TRDMT1: variants seen among roughly 807,000 people sequenced by gnomAD.
TRDMT1 encodes the protein tRNA aspartic acid methyltransferase 1.
A neutral mutation model predicts 51.2 loss-of-function variants in TRDMT1; 49 were observed. That is an observed-to-expected ratio of 0.96 (90% CI 0.76 to 1.21). The LOEUF is 1.21. Among genes scored for constraint, TRDMT1 ranks in the 50% most tolerant of loss-of-function variants. The probability of loss-of-function intolerance (pLI) is 0.00; values close to 1 mark genes in which losing one functional copy is unlikely to be tolerated. For missense variants in TRDMT1, 534 were observed against 462.3 expected, an observed-to-expected ratio of 1.16 and a Z score of -1.42; for synonymous variants, 187 against 164.6, an observed-to-expected ratio of 1.14 and a Z score of -1.04.
chr10:17,150,713 A>C (rs10795452), intron 10 of TRDMT1: 670,896 of 984,316 alleles, frequency 0.68, 229,003 homozygotes, highest in Non-Finnish European at 0.69. Flanking sequence ...TAGTTACAAT[A>C]AAGTTGCTTC....
rs1051600789 is a variant in TRDMT1, at chr10:17,143,825, A to G, written c.*5215T>C. The G allele has an allele frequency of 8.1e-6, 8 of 985,318 alleles. No individual in the cohort carries two copies. In the African/African-American group the frequency reaches 1.4e-4, roughly 17 times the overall value. The allele number at this position is 985,318 out of a possible 1,614,324, so 61.0% of individuals were successfully genotyped here. ...TTTGGTTATGAAGCTTGAACTTGGA[A>G]GATGTGGAGACTAACCGTACCATAA... On this transcript the variant is annotated 3_prime_UTR_variant, in exon 11 of 11. Coordinates refer to ENST00000377799, the MANE Select transcript of TRDMT1 (RefSeq NM_004412.7).
Position 17,159,175 on chromosome 10 carries a change from C to G in TRDMT1, c.514G>C (p.Glu172Gln). ...CCAGGGGCTTGAAAGGGTAATGGCT[C>G]TGACTGAAGCTTTGCAATAAGAAAA... ...RYFLIAKLQSEPLPFQAPGQV... is the reference protein window; with the variant it reads ...RYFLIAKLQSQPLPFQAPGQV... The change falls in exon 7 of 11, where the codon GAG becomes CAG. Residue 172 changes from glutamate (E) to glutamine (Q), a missense_variant. By Grantham distance (29) the Glu-to-Gln change is conservative. Coordinates refer to ENST00000377799, the MANE Select transcript of TRDMT1 (RefSeq NM_004412.7). The G allele has an allele frequency of 6.2e-7, 1 of 1,603,210 alleles. No individual in the cohort carries two copies.
intron 1 of TRDMT1, among the ~76,000 whole-genome samples, chr10:17,178,916 G>T (rs1202777349): frequency 6.6e-6 from 1 of 152,084 alleles, no homozygotes; most frequent in African/African-American, 2.4e-5. Flanking sequence ...GATAGGAACT[G>T]CTGGAGATCT....
Position 17,168,891 on chromosome 10 carries a change from T to G in TRDMT1, c.201A>C (p.Arg67Ser), listed in dbSNP as rs780715049. The G allele has an allele frequency of 1.2e-6, 2 of 1,612,272 alleles. No individual in the cohort carries two copies. The highest frequency in any genetic ancestry group is 1.7e-6 in the Non-Finnish European group (2 of 1,178,902). The change falls in exon 3 of 11, where the codon AGA becomes AGC. Residue 67 changes from arginine (R) to serine (S), a missense_variant. By Grantham distance (110) the Arg-to-Ser change is moderately radical. Transcript: ENST00000377799. Reference sequence around the variant, plus strand: ...TCATTAAAATCATATCAAAAGATAATCTGTCAAACTCTTCGAGTGTAATGC... The same window carrying G: ...TCATTAAAATCATATCAAAAGATAAGCTGTCAAACTCTTCGAGTGTAATGC... ...IEGITLEEFD[R>S]LSFDMILMSP...
At chr10:17,161,686 A>T (rs962002314) in intron 4 of TRDMT1, 138 bp from the exon 5 acceptor site, 3 of 500,892 alleles carry the variant, frequency 6.0e-6, no homozygotes, top group Non-Finnish European at 9.8e-6. Flanking sequence ...AAGGCTGGAG[A>T]CAACATATAT....
chr10:17,179,852 C>T (rs1405317377), intron 1 of TRDMT1, among the ~76,000 whole-genome samples: 1 of 151,848 alleles, frequency 6.6e-6, no homozygotes, highest in East Asian at 1.9e-4. Flanking sequence ...GCTATCAAAC[C>T]CTAGAATGAA....
chr10:17,191,031 G>C (rs1438193039), intron 1 of TRDMT1, among the ~76,000 whole-genome samples: 1 of 152,184 alleles, frequency 6.6e-6, no homozygotes, highest in Non-Finnish European at 1.5e-5. Context: ...GGATGGGCCT[G>C]ACAGATATCA....
In TRDMT1 at chr10:17,140,112, G is replaced by A. The variant is rs771274609; in HGVS notation, c.*8928C>T. Among the ~76,000 whole-genome samples the A allele has an allele frequency of 1.6e-4, 20 of 128,736 alleles. No homozygotes were observed. Among genetic ancestry groups the A allele is most frequent in the Admixed American group, 2.7e-4 (3 of 11,202 alleles). 84.5% of individuals were successfully genotyped at this position (128,736 alleles called of 152,430 possible). A position where few individuals can be genotyped will look rare whatever the true frequency, so the allele number is the denominator to read the frequency against. On this transcript the variant is annotated 3_prime_UTR_variant, in exon 11 of 11. Transcript: ENST00000377799. ...CCAGGCTGGAATGATGCAATGGCAC[G>A]ACCTCGGCTCACTGCAACCTCCGCC...
intron 1 of TRDMT1, among the ~76,000 whole-genome samples, chr10:17,196,975 G>A (rs1254295532): frequency 6.6e-6 from 1 of 152,148 alleles, no homozygotes; most frequent in Non-Finnish European, 1.5e-5. Flanking sequence ...CTGGCTTCCA[G>A]AACCCAGCAC....
At chr10:17,164,772 G>A (rs1242960075) in intron 3 of TRDMT1, among the ~76,000 whole-genome samples, 1 of 152,156 alleles carries the variant, frequency 6.6e-6, no homozygotes, top group Non-Finnish European at 1.5e-5. Flanking sequence ...ATTCACAATT[G>A]CTTCAAAGAG....
At position 17,196,109 on chromosome 10, in the gene TRDMT1, T is replaced by C. The variant is rs1845391212; in HGVS notation, c.64+5462A>G. Among the ~76,000 whole-genome samples the C allele has an allele frequency of 3.3e-5, 5 of 152,256 alleles. No individual in the cohort carries two copies. The South Asian group carries it at 1.0e-3, about 31-fold the overall frequency. On this transcript the variant is annotated intron_variant, in intron 1 of 10. Coordinates refer to ENST00000377799, the MANE Select transcript of TRDMT1 (RefSeq NM_004412.7). ...GGTCTAGTAGACTCCCAAGTTGGCA[T>C]GTAAGTCGTTGAGGAACAAAGACAA... is the stretch of plus-strand genomic sequence containing the variant.
In TRDMT1 at chr10:17,201,578, C is replaced by A; in HGVS notation, c.57G>T (p.Ala19=). The A allele has an allele frequency of 1.3e-6, 2 of 1,549,646 alleles. No homozygotes were observed. The highest frequency in any genetic ancestry group is 1.7e-6 in the Non-Finnish European group (2 of 1,146,172). The change falls in exon 1 of 11, where the codon GCG becomes GCT. Residue 19 remains alanine (A), a synonymous_variant. Transcript: ENST00000377799. ...LYSGVGGMHH[A]LRESCIPAQV... ...TGCTAGATGGACTCTCACCTCTCAG[C>A]GCGTGGTGCATGCCGCCCACGCCGC...
rs1288649941 is a variant in TRDMT1 at position 17,168,934 on chromosome 10, TA to T, written c.175-18del. On this transcript the variant is annotated intron_variant, in intron 2 of 10. Transcript: ENST00000377799. ...TGTAATGCCCTGAGGAATGAACATT[TA>T]GGGGGAAAAAAGAACATAAAAACAT... 2 of 1,555,134 alleles carry T rather than the reference TA, an allele frequency of 1.3e-6. No individual in the cohort carries two copies. Among genetic ancestry groups the T allele is most frequent in the African/African-American group, 1.4e-5 (1 of 73,178 alleles).
At chr10:17,168,728 G>A in intron 3 of TRDMT1, 113 bp downstream of exon 3, 1 of 698,036 alleles carries the variant, frequency 1.4e-6, no homozygotes, top group East Asian at 2.9e-5. Flanking sequence ...TAGCCACATG[G>A]AACTGTAAGT....
Position 17,149,096 on chromosome 10 carries a change from C to T in TRDMT1, c.1120G>A (p.Gly374Arg). The change falls in exon 11 of 11, where the codon GGA becomes AGA. Residue 374 changes from glycine (G) to arginine (R), a missense_variant. Gly to Arg is a moderately radical substitution (Grantham distance 125). Coordinates refer to ENST00000377799, the MANE Select transcript of TRDMT1 (RefSeq NM_004412.7). ...ACTACATGCACGTTGAGACTATTTC[C>T]AAGTAGGCGATAACGCTGTTTCACT... ...ITVKQRYRLL[G>R]NSLNVHVVAK... The T allele has an allele frequency of 6.2e-7, 1 of 1,611,286 alleles. No homozygotes were observed. The highest frequency in any genetic ancestry group is 8.5e-7 in the Non-Finnish European group (1 of 1,179,044).
intron 1 of TRDMT1, among the ~76,000 whole-genome samples, chr10:17,194,709 G>C (rs1244522246): frequency 6.6e-6 from 1 of 152,110 alleles, no homozygotes; most frequent in Non-Finnish European, 1.5e-5. Context: ...GAGGCAGGTG[G>C]ATTGCTTGGG....
chr10:17,185,655 C>A (rs1213634190), intron 1 of TRDMT1, among the ~76,000 whole-genome samples: 2 of 152,166 alleles, frequency 1.3e-5, no homozygotes, highest in Admixed American at 6.5e-5. Context: ...TTGGAACCAA[C>A]CCAAATGTCC....
chr10:17,174,797 T>A, intron 1 of TRDMT1, 137 bp from the exon 2 acceptor site: 1 of 696,326 alleles, frequency 1.4e-6, no homozygotes. Context: ...CAGTGGAAGG[T>A]CAGGCCAGGG....
intron 1 of TRDMT1, among the ~76,000 whole-genome samples, chr10:17,199,591 G>C (rs541290937): frequency 1.3e-5 from 2 of 152,306 alleles, no homozygotes; most frequent in South Asian, 4.1e-4. Context: ...AGGGAGAGTG[G>C]CAGATAAAAT....
Sources: allele counts gnomAD v4.1 joint callset (sites outside exome capture counted in the v4.1 genomes callset), GRCh38; gene constraint gnomAD v4.1.1; transcripts MANE v1.5; gene names NCBI Gene and HGNC (gene_info 2026-07-23, HGNC 2026-07-21).